TAFA1: variants seen among roughly 807,000 people sequenced by gnomAD.
TAFA1 encodes chemokine-like protein TAFA-1.
Under a neutral mutation model 18.5 loss-of-function variants are expected in TAFA1, and 4 were observed. That is an observed-to-expected ratio of 0.22 (90% CI 0.11 to 0.49). TAFA1 has a LOEUF of 0.49. TAFA1 is among the 20% of genes least tolerant of loss of function. The pLI, the probability that TAFA1 is intolerant of heterozygous loss-of-function variation, is 0.98. For missense variants in TAFA1, 147 were observed against 169.0 expected, an observed-to-expected ratio of 0.87 and a Z score of 0.72; for synonymous variants, 56 against 55.2, an observed-to-expected ratio of 1.01 and a Z score of -0.06.
intron 2 of TAFA1, among the ~76,000 whole-genome samples, chr3:68,269,468 A>G (rs1358486169): frequency 2.0e-5 from 3 of 152,160 alleles, no homozygotes; most frequent in Non-Finnish European, 4.4e-5. Flanking sequence ...ACCCAATTCT[A>G]AAAAATAAAA....
chr3:68,259,464 T>TTA (rs1344810700), intron 2 of TAFA1, among the ~76,000 whole-genome samples: 1 of 152,198 alleles, frequency 6.6e-6, no homozygotes, highest in Admixed American at 6.5e-5. Flanking sequence ...TTTTTTCCAA[T>TTA]TATGTGAAGA....
intron 4 of TAFA1, among the ~76,000 whole-genome samples, chr3:68,540,608 A>G (rs1428914067): frequency 6.6e-6 from 1 of 152,180 alleles, no homozygotes; most frequent in Non-Finnish European, 1.5e-5. Flanking sequence ...TTCCTGCCAA[A>G]TCTCTTTTCT....
intron 3 of TAFA1, among the ~76,000 whole-genome samples, chr3:68,419,904 A>G (rs1474563219): frequency 1.3e-5 from 2 of 152,160 alleles, no homozygotes; most frequent in Non-Finnish European, 2.9e-5. Flanking sequence ...GGCAGCTGTC[A>G]TCTCATTTTC....
At chr3:68,507,407 A>G (rs2072776340) in intron 3 of TAFA1, among the ~76,000 whole-genome samples, 1 of 152,068 alleles carries the variant, frequency 6.6e-6, no homozygotes, top group Admixed American at 6.6e-5. Context: ...AATGAAATAT[A>G]TTATTATGCT....
intron 2 of TAFA1, among the ~76,000 whole-genome samples, chr3:68,036,845 G>A (rs989951871): frequency 6.6e-5 from 10 of 152,110 alleles, no homozygotes; most frequent in South Asian, 2.1e-4. Flanking sequence ...CTCTCATTTC[G>A]TTGCCAGGGA....
At chr3:68,144,634 G>A (rs894516322) in intron 2 of TAFA1, among the ~76,000 whole-genome samples, 5 of 152,120 alleles carry the variant, frequency 3.3e-5, no homozygotes, top group Non-Finnish European at 5.9e-5. Flanking sequence ...TTTAAAATTA[G>A]GCAAAACTAA....
intron 2 of TAFA1, among the ~76,000 whole-genome samples, chr3:68,297,550 G>A (rs1329938409): frequency 6.6e-6 from 1 of 152,074 alleles, no homozygotes; most frequent in Non-Finnish European, 1.5e-5. Flanking sequence ...TGATTCTGAT[G>A]GGCAATAATG....
At chr3:68,390,528 A>G (rs1029305859) in intron 2 of TAFA1, among the ~76,000 whole-genome samples, 2 of 152,186 alleles carry the variant, frequency 1.3e-5, no homozygotes, top group Admixed American at 6.5e-5. Context: ...TGCCTCTTCA[A>G]GTGGGTTCCT....
intron 3 of TAFA1, among the ~76,000 whole-genome samples, chr3:68,439,844 G>C (rs1483414383): frequency 6.6e-6 from 1 of 151,902 alleles, no homozygotes; most frequent in Non-Finnish European, 1.5e-5. Context: ...TCCATTCCTT[G>C]TCAACTTGAA....
At chr3:68,362,847 A>G (rs2069494052) in intron 2 of TAFA1, among the ~76,000 whole-genome samples, 11 of 151,974 alleles carry the variant, frequency 7.2e-5, no homozygotes, top group Admixed American at 7.2e-4. Context: ...TTTACTCTGA[A>G]ATTAAATGTG....
At chr3:68,102,633 T>G (rs954967294) in intron 2 of TAFA1, among the ~76,000 whole-genome samples, 1 of 152,220 alleles carries the variant, frequency 6.6e-6, no homozygotes, top group Non-Finnish European at 1.5e-5. Context: ...ATTATAAGTT[T>G]ATTGGTACAT....
chr3:68,428,312 C>G (rs529981686), intron 3 of TAFA1, among the ~76,000 whole-genome samples: 1 of 152,024 alleles, frequency 6.6e-6, no homozygotes, highest in East Asian at 1.9e-4. Context: ...CAAGAGAACA[C>G]TGTACTTGAC....
chr3:68,415,404 G>A (rs1273217146), intron 2 of TAFA1, among the ~76,000 whole-genome samples: 1 of 152,146 alleles, frequency 6.6e-6, no homozygotes, highest in Non-Finnish European at 1.5e-5. Context: ...ATGAACAAAG[G>A]TGGACGTGAG....
At chr3:68,072,905 T>C (rs187318822) in intron 2 of TAFA1, among the ~76,000 whole-genome samples, 59 of 152,306 alleles carry the variant, frequency 3.9e-4, no homozygotes, top group African/African-American at 1.3e-3. Flanking sequence ...CATAAAGCAT[T>C]CAGATCAGTG....
chr3:68,245,718 G>A (rs1256804950), intron 2 of TAFA1, among the ~76,000 whole-genome samples: 1 of 152,206 alleles, frequency 6.6e-6, no homozygotes, highest in Non-Finnish European at 1.5e-5. Context: ...CTGATTACTT[G>A]CTAAATGACC....
intron 2 of TAFA1, among the ~76,000 whole-genome samples, chr3:68,095,186 T>C (rs979670472): frequency 6.6e-6 from 1 of 152,152 alleles, no homozygotes; most frequent in Non-Finnish European, 1.5e-5. Context: ...TTGATATAGC[T>C]CTTAGGTTCT....
At chr3:68,452,534 A>C (rs1159350835) in intron 3 of TAFA1, among the ~76,000 whole-genome samples, 3 of 151,372 alleles carry the variant, frequency 2.0e-5, no homozygotes, top group Admixed American at 6.6e-5. Flanking sequence ...AAAAAAAAAA[A>C]AAAAAAACTA....
At chr3:68,388,745 T>C (rs950208) in intron 2 of TAFA1, among the ~76,000 whole-genome samples, 1,991 of 152,138 alleles carry the variant, frequency 0.013, 46 homozygotes, top group African/African-American at 0.046. Context: ...ATTCTACTTT[T>C]TAAATAATTT....
At chr3:68,207,006 A>G (rs1253467109) in intron 2 of TAFA1, among the ~76,000 whole-genome samples, 1 of 151,962 alleles carries the variant, frequency 6.6e-6, no homozygotes, top group Non-Finnish European at 1.5e-5. Context: ...GGTGTAATTC[A>G]ACATCAAAAA....
Sources: allele counts gnomAD v4.1 joint callset (sites outside exome capture counted in the v4.1 genomes callset), GRCh38; gene constraint gnomAD v4.1.1; transcripts MANE v1.5; gene names NCBI Gene and HGNC (gene_info 2026-07-23, HGNC 2026-07-21).